The following GPBP1 variants were observed in gnomAD, a reference collection of about 807,000 sequenced individuals.
GPBP1 encodes GC-rich promoter binding protein 1.
In GPBP1, 13 loss-of-function variants were observed where a neutral mutation model predicts 56.5. The ratio of observed to expected loss-of-function variants is 0.23; its 90% CI spans 0.15 to 0.37. The LOEUF (loss-of-function observed/expected upper bound fraction) is 0.37. Among genes scored for constraint, GPBP1 ranks in the 10% least tolerant of loss-of-function variants. The probability of loss-of-function intolerance (pLI) is 1.00; values close to 1 mark genes in which losing one functional copy is unlikely to be tolerated. For synonymous variants in GPBP1, 204 were observed against 188.9 expected, an observed-to-expected ratio of 1.08 and a Z score of -0.66; for missense variants, 477 against 572.3, an observed-to-expected ratio of 0.83 and a Z score of 1.70.
intron 5 of GPBP1, among the ~76,000 whole-genome samples, chr5:57,231,842 T>C (rs1391005234): frequency 6.6e-6 from 1 of 152,200 alleles, no homozygotes; most frequent in Non-Finnish European, 1.5e-5. Context: ...CAAGTTTCTG[T>C]TCTCTAAGCA....
In GPBP1 at chr5:57,204,929, ATATAG is replaced by A. The variant is rs561080545; in HGVS notation, c.-57-9142_-57-9138del. ...TTTTTAATTTATTCAAGAGATTATAATATAGTACTCTACTTACTTTTATTAAAGTA... is the reference window on the plus strand; with the variant it reads ...TTTTTAATTTATTCAAGAGATTATAATACTCTACTTACTTTTATTAAAGTA... On this transcript the variant is annotated intron_variant, in intron 2 of 11. Transcript: ENST00000506184. Among the ~76,000 whole-genome samples, 116 of 152,340 alleles carry A rather than the reference ATATAG, an allele frequency of 7.6e-4. 1 individual carries two copies. In the South Asian group the frequency reaches 0.024, roughly 32 times the overall value.
At position 57,249,480 on chromosome 5, in the gene GPBP1, A is replaced by G. The variant is rs760550175; in HGVS notation, c.876A>G (p.Arg292=). 2 of 1,612,964 alleles carry G rather than the reference A, an allele frequency of 1.2e-6. No individual in the cohort carries two copies. Among genetic ancestry groups the G allele is most frequent in the Admixed American group, 1.7e-5 (1 of 59,788 alleles). ...NQQPRLTKLT[R]MRTDKKSEFL... Reference sequence around the variant, plus strand: ...AGCCTCGTCTAACCAAACTGACACGAATGCGCACTGATAAGAAGAGTGAAT... The same window carrying G: ...AGCCTCGTCTAACCAAACTGACACGGATGCGCACTGATAAGAAGAGTGAAT... The change falls in exon 9 of 12, where the codon CGA becomes CGG. Residue 292 remains arginine (R), a synonymous_variant. Coordinates refer to ENST00000506184, the MANE Select transcript of GPBP1 (RefSeq NM_022913.4).
intron 2 of GPBP1, among the ~76,000 whole-genome samples, chr5:57,184,695 T>G (rs1395234489): frequency 6.6e-6 from 1 of 152,132 alleles, no homozygotes; most frequent in African/African-American, 2.4e-5. Context: ...AGAAAATTCT[T>G]TAAAGTGTAT....
chr5:57,191,001 C>T lies in GPBP1; in HGVS notation c.-58+14601C>T, dbSNP rs538961025. ...TAGGCAAAACATATTGTCTTGAACT[C>T]TGGGGTTCAAGTGATCTGCCCGCCT... is the stretch of plus-strand genomic sequence containing the variant. On this transcript the variant is annotated intron_variant, in intron 2 of 11. Coordinates refer to ENST00000506184, the MANE Select transcript of GPBP1 (RefSeq NM_022913.4). Among the ~76,000 whole-genome samples the T allele has an allele frequency of 5.3e-5, 8 of 152,206 alleles. No homozygotes were observed. The South Asian group carries it at 1.7e-3, about 32-fold the overall frequency.
intron 3 of GPBP1, among the ~76,000 whole-genome samples, chr5:57,221,626 CT>C (rs1258149353): frequency 6.6e-6 from 1 of 151,988 alleles, no homozygotes; most frequent in Non-Finnish European, 1.5e-5. Context: ...TGTGGTGGAA[CT>C]TTACTATGAT....
intron 3 of GPBP1, among the ~76,000 whole-genome samples, chr5:57,225,746 A>G (rs1338372100): frequency 6.6e-6 from 1 of 152,124 alleles, no homozygotes; most frequent in Non-Finnish European, 1.5e-5. Flanking sequence ...GTCAAACAGC[A>G]GCTGGAGGAG....
intron 2 of GPBP1, among the ~76,000 whole-genome samples, chr5:57,194,098 A>G (rs554223515): frequency 3.9e-5 from 6 of 152,324 alleles, no homozygotes; most frequent in Admixed American, 2.0e-4. Context: ...ATTATTCCAT[A>G]TTAGTATGTG....
At position 57,193,038 on chromosome 5, in the gene GPBP1, C is replaced by T. The variant is rs965055049; in HGVS notation, c.-58+16638C>T. Among the ~76,000 whole-genome samples the T allele has an allele frequency of 5.3e-5, 8 of 151,824 alleles. No homozygotes were observed. In the South Asian group the frequency reaches 8.3e-4, roughly 16 times the overall value. ...GATGAATGTTAAAGAAACTGTTGGC[C>T]GGGCACGGTGACTCATGTCTGTAAT... On this transcript the variant is annotated intron_variant, in intron 2 of 11. Transcript: ENST00000506184.
chr5:57,200,279 G>C (rs2111690045), intron 2 of GPBP1, among the ~76,000 whole-genome samples: 1 of 150,798 alleles, frequency 6.6e-6, no homozygotes, highest in East Asian at 2.0e-4. Context: ...GTTAGTGCTT[G>C]AGAAGGTAAT....
intron 2 of GPBP1, among the ~76,000 whole-genome samples, chr5:57,204,710 G>C (rs1050709387): frequency 6.6e-6 from 1 of 152,030 alleles, no homozygotes; most frequent in African/African-American, 2.4e-5. Context: ...TGCTTGTTTT[G>C]TTCAGGCACA....
rs182281026 is a variant in GPBP1, at chr5:57,176,954, T to A, written c.-58+554T>A. On this transcript the variant is annotated intron_variant, in intron 2 of 11. Transcript: ENST00000506184. Reference sequence around the variant, plus strand: ...GGCATAGTTGTTCCTAACATATTAATCCGTTATAGAAATTAAGTTTTTGAA... The same window carrying A: ...GGCATAGTTGTTCCTAACATATTAAACCGTTATAGAAATTAAGTTTTTGAA... Among the ~76,000 whole-genome samples, 527 of 152,330 alleles carry A rather than the reference T, an allele frequency of 3.5e-3. 6 individuals carry two copies. Among genetic ancestry groups the A allele is most frequent in the South Asian group, 0.011 (52 of 4,830 alleles).
At chr5:57,216,127 C>T (rs1580016624) in intron 3 of GPBP1, among the ~76,000 whole-genome samples, 1 of 152,120 alleles carries the variant, frequency 6.6e-6, no homozygotes. Flanking sequence ...TGGGGTAGAG[C>T]CTTCATTCTG....
At chr5:57,180,902 C>T (rs1459377426) in intron 2 of GPBP1, among the ~76,000 whole-genome samples, 3 of 152,136 alleles carry the variant, frequency 2.0e-5, no homozygotes, top group Admixed American at 1.3e-4. Context: ...CCACCACGCC[C>T]AGCTAATTTT....
At chr5:57,186,655 T>G (rs1333064709) in intron 2 of GPBP1, among the ~76,000 whole-genome samples, 1 of 152,094 alleles carries the variant, frequency 6.6e-6, no homozygotes, top group Admixed American at 6.6e-5. Context: ...CTCTGCAGCT[T>G]TGACTTCTTG....
chr5:57,181,396 G>T (rs532560993), intron 2 of GPBP1, among the ~76,000 whole-genome samples: 3 of 150,706 alleles, frequency 2.0e-5, no homozygotes, highest in African/African-American at 7.3e-5. Context: ...CGCTGCGATC[G>T]CGACACTGCA....
At chr5:57,251,575 C>CTTT (rs201993755) in intron 10 of GPBP1, among the ~76,000 whole-genome samples, 2 of 133,276 alleles carry the variant, frequency 1.5e-5, no homozygotes, top group Non-Finnish European at 3.3e-5. Flanking sequence ...GTTTCCACCT[C>CTTT]TTTTTTTTTT....
intron 5 of GPBP1, among the ~76,000 whole-genome samples, chr5:57,232,769 G>A (rs1474807221): frequency 6.6e-6 from 1 of 152,148 alleles, no homozygotes; most frequent in East Asian, 1.9e-4. Flanking sequence ...GGTGGCGAGT[G>A]TGTCCTTTCT....
intron 2 of GPBP1, among the ~76,000 whole-genome samples, chr5:57,192,405 A>G (rs73127753): frequency 0.016 from 2,454 of 152,168 alleles, 65 homozygotes; most frequent in African/African-American, 0.057. Context: ...TGAGACCTGT[A>G]TTTTGTACTT....
chr5:57,188,321 G>T (rs967529427), intron 2 of GPBP1, among the ~76,000 whole-genome samples: 2 of 151,992 alleles, frequency 1.3e-5, no homozygotes, highest in Non-Finnish European at 2.9e-5. Flanking sequence ...TGATACCATA[G>T]CTTTAAAAGG....
Sources: gnomAD v4.1 joint callset for allele counts (sites outside exome capture counted in the v4.1 genomes callset) on GRCh38, gnomAD v4.1.1 for gene constraint, MANE v1.5 for transcripts, NCBI Gene and HGNC (gene_info 2026-07-23, HGNC 2026-07-21) for gene names.